Variants in NALF1 observed in about 807,000 individuals in gnomAD.
The protein encoded by NALF1 is NALCN channel auxiliary factor 1.
In NALF1, 3 loss-of-function variants were observed where a neutral mutation model predicts 48.4. The observed-to-expected ratio is 0.06, with a 90% CI of 0.03 to 0.16. The LOEUF (loss-of-function observed/expected upper bound fraction) is 0.16, where lower values mean the gene tolerates loss of function less well. Among genes scored for constraint, NALF1 ranks in the 10% least tolerant of loss-of-function variants. The pLI is 1.00. For synonymous variants in NALF1, 262 were observed against 245.7 expected (o/e 1.07, Z -0.62); for missense variants, 526 against 571.5 (o/e 0.92, Z 0.81).
intron 2 of NALF1, among the ~76,000 whole-genome samples, chr13:107,201,344 AG>A (rs1879513737): frequency 6.6e-6 from 1 of 152,198 alleles, no homozygotes; most frequent in South Asian, 2.1e-4. Flanking sequence ...GGGGAGGCCC[AG>A]GTGGGCAGAT....
chr13:107,756,868 G>A (rs1437515460), intron 1 of NALF1, among the ~76,000 whole-genome samples: 3 of 152,128 alleles, frequency 2.0e-5, no homozygotes, highest in African/African-American at 7.2e-5. Context: ...AAAAGTTTAA[G>A]GATATGATTT....
chr13:107,854,883 A>G (rs1256474764), intron 1 of NALF1, among the ~76,000 whole-genome samples: 3 of 125,806 alleles, frequency 2.4e-5, no homozygotes, highest in Admixed American at 7.8e-5. Context: ...AAAAAAAAAA[A>G]GAAAAAAAGA....
Position 107,176,574 on chromosome 13 carries a change from G to A in NALF1, c.1088-5788C>T, listed in dbSNP as rs987929726. Among the ~76,000 whole-genome samples the A allele has an allele frequency of 4.5e-4, 69 of 151,810 alleles. 2 individuals are homozygous for A. The highest frequency in any genetic ancestry group is 3.2e-3 in the Admixed American group (49 of 15,250). On this transcript the variant is annotated intron_variant, in intron 2 of 2. Coordinates refer to ENST00000375915, the MANE Select transcript of NALF1 (RefSeq NM_001080396.3). ...GGAGAATGGCGTGAACCCGGGAGGC[G>A]GAGCTTGCAGTGAGCCGAGATGGCG...
chr13:107,537,416 A>G (rs894686235), intron 1 of NALF1, among the ~76,000 whole-genome samples: 1 of 152,180 alleles, frequency 6.6e-6, no homozygotes, highest in African/African-American at 2.4e-5. Flanking sequence ...ATTTTTCATC[A>G]TGCCAATGAA....
intron 1 of NALF1, among the ~76,000 whole-genome samples, chr13:107,766,054 T>A (rs1037122313): frequency 1.3e-5 from 2 of 152,172 alleles, no homozygotes; most frequent in Admixed American, 1.3e-4. Flanking sequence ...AAATCATCTA[T>A]AATAGGTCCA....
chr13:107,222,087 G>C (rs760492672), intron 1 of NALF1, among the ~76,000 whole-genome samples: 1 of 152,110 alleles, frequency 6.6e-6, no homozygotes, highest in African/African-American at 2.4e-5. Flanking sequence ...ATTAACACAA[G>C]CTTGAAACCC....
intron 1 of NALF1, among the ~76,000 whole-genome samples, chr13:107,860,048 A>G (rs1290072788): frequency 6.6e-6 from 1 of 152,164 alleles, no homozygotes; most frequent in Non-Finnish European, 1.5e-5. Context: ...TATCTCATGA[A>G]TTAAACTTAA....
At chr13:107,431,219 C>T (rs966426580) in intron 1 of NALF1, among the ~76,000 whole-genome samples, 4 of 152,124 alleles carry the variant, frequency 2.6e-5, no homozygotes, top group African/African-American at 9.7e-5. Flanking sequence ...ATTTGGTGCT[C>T]TTCATGTTGT....
At chr13:107,556,443 C>T (rs577901137) in intron 1 of NALF1, among the ~76,000 whole-genome samples, 3 of 151,566 alleles carry the variant, frequency 2.0e-5, no homozygotes, top group Non-Finnish European at 2.9e-5. Context: ...GAACTTGAGG[C>T]CTTGCAGAGC....
chr13:107,505,095 G>A (rs1235960271), intron 1 of NALF1, among the ~76,000 whole-genome samples: 1 of 152,208 alleles, frequency 6.6e-6, no homozygotes, highest in African/African-American at 2.4e-5. Flanking sequence ...GATTAGAGAT[G>A]ACTTTGAGGA....
At chr13:107,764,464 CAG>C (rs754650185) in intron 1 of NALF1, among the ~76,000 whole-genome samples, 1 of 151,784 alleles carries the variant, frequency 6.6e-6, no homozygotes, top group South Asian at 2.1e-4. Flanking sequence ...CGTATGTAGA[CAG>C]AGAGAGAGAA....
chr13:107,193,296 T>C (rs1180672502), intron 2 of NALF1, among the ~76,000 whole-genome samples: 2 of 152,234 alleles, frequency 1.3e-5, no homozygotes, highest in Non-Finnish European at 2.9e-5. Context: ...GCTAGAATTT[T>C]CAGAGACCGT....
At position 107,600,672 on chromosome 13, in the gene NALF1, A is replaced by G. The variant is rs566288153; in HGVS notation, c.915+265010T>C. Among the ~76,000 whole-genome samples the G allele has an allele frequency of 5.9e-5, 9 of 152,300 alleles. No homozygotes were observed. In the East Asian group the frequency reaches 1.7e-3, roughly 29 times the overall value. ...TAAGCCTGGCTCTAGAAAGAGAGGTAAATAATATTAACTTATATAGACCCT... is the reference window on the plus strand; with the variant it reads ...TAAGCCTGGCTCTAGAAAGAGAGGTGAATAATATTAACTTATATAGACCCT... On this transcript the variant is annotated intron_variant, in intron 1 of 2. Coordinates refer to ENST00000375915, the MANE Select transcript of NALF1 (RefSeq NM_001080396.3).
At chr13:107,260,934 A>G (rs1880916637) in intron 1 of NALF1, among the ~76,000 whole-genome samples, 1 of 152,144 alleles carries the variant, frequency 6.6e-6, no homozygotes, top group South Asian at 2.1e-4. Context: ...AAATTTTCCC[A>G]TGCACGATCC....
chr13:107,653,494 T>A (rs201317524), intron 1 of NALF1, among the ~76,000 whole-genome samples: 35 of 146,578 alleles, frequency 2.4e-4, no homozygotes, highest in Non-Finnish European at 3.9e-4. Context: ...TTTTTTTTTT[T>A]ATTATAAAAT....
intron 1 of NALF1, among the ~76,000 whole-genome samples, chr13:107,382,298 T>C (rs1362850279): frequency 6.6e-6 from 1 of 152,174 alleles, no homozygotes; most frequent in Non-Finnish European, 1.5e-5. Flanking sequence ...AAAGCAAAAA[T>C]CGTGTTTGAA....
chr13:107,529,129 T>A (rs543335883), intron 1 of NALF1, among the ~76,000 whole-genome samples: 6 of 152,296 alleles, frequency 3.9e-5, no homozygotes, highest in African/African-American at 1.4e-4. Context: ...CTTAACAAGA[T>A]CTTCCCACCA....
chr13:107,388,571 G>T (rs1358712291), intron 1 of NALF1, among the ~76,000 whole-genome samples: 2 of 152,114 alleles, frequency 1.3e-5, no homozygotes, highest in Non-Finnish European at 1.5e-5. Context: ...GACACATCAG[G>T]TATCGTTCAA....
At chr13:107,228,275 G>A (rs1349419038) in intron 1 of NALF1, among the ~76,000 whole-genome samples, 2 of 152,158 alleles carry the variant, frequency 1.3e-5, no homozygotes, top group African/African-American at 2.4e-5. Context: ...CAAATTGACA[G>A]TCTAATTCAG....
Sources: allele counts gnomAD v4.1 joint callset (sites outside exome capture counted in the v4.1 genomes callset), GRCh38; gene constraint gnomAD v4.1.1; transcripts MANE v1.5; gene names NCBI Gene and HGNC (gene_info 2026-07-23, HGNC 2026-07-21).